CFAP43: variants seen among roughly 807,000 people sequenced by gnomAD.
CFAP43 encodes cilia- and flagella-associated protein 43.
A neutral mutation model predicts 218.9 loss-of-function variants in CFAP43; 155 were observed. The observed-to-expected ratio is 0.71, with a 90% confidence interval of 0.62 to 0.81. The LOEUF is 0.81. Among genes scored for constraint, CFAP43 ranks in the 30% least tolerant of loss-of-function variants. The pLI is 0.00. For synonymous variants in CFAP43, 645 were observed against 681.3 expected (o/e 0.95, Z 0.83); for missense variants, 1,778 against 1,954.3 (o/e 0.91, Z 1.70).
At chr10:104,223,168 C>G (rs1481595684) in intron 3 of CFAP43, among the ~76,000 whole-genome samples, 1 of 152,202 alleles carries the variant, frequency 6.6e-6, no homozygotes, top group Non-Finnish European at 1.5e-5. Context: ...AGAATGAGCA[C>G]CCACTTACTA....
intron 21 of CFAP43, among the ~76,000 whole-genome samples, chr10:104,168,027 C>T (rs1054542536): frequency 6.6e-6 from 1 of 152,146 alleles, no homozygotes; most frequent in East Asian, 1.9e-4. Context: ...GCCCCCAAGA[C>T]ATTTGGCAAC....
chr10:104,138,828 G>A (rs2087569404), intron 34 of CFAP43, among the ~76,000 whole-genome samples: 1 of 152,128 alleles, frequency 6.6e-6, no homozygotes, highest in Non-Finnish European at 1.5e-5. Flanking sequence ...TAGTTCAATA[G>A]TTGTGGCAAA....
intron 12 of CFAP43, among the ~76,000 whole-genome samples, chr10:104,189,718 T>C (rs1428519711): frequency 6.6e-6 from 1 of 152,000 alleles, no homozygotes; most frequent in African/African-American, 2.4e-5. Flanking sequence ...ACATTAAAAA[T>C]GGGGCAGGGA....
At chr10:104,195,836 G>A (rs142964190) in intron 10 of CFAP43, among the ~76,000 whole-genome samples, 261 of 152,240 alleles carry the variant, frequency 1.7e-3, no homozygotes, top group South Asian at 3.3e-3. Flanking sequence ...GCATCCATAC[G>A]CCCTCCTGGA....
At chr10:104,162,274 A>T in intron 25 of CFAP43, 43 bp downstream of exon 25, 1 of 1,560,146 alleles carries the variant, frequency 6.4e-7, no homozygotes, top group Non-Finnish European at 8.8e-7. Context: ...GTATCCCTAA[A>T]GCAAAGAGGG....
chr10:104,189,978 T>C lies in CFAP43; in HGVS notation c.1547-1568A>G, dbSNP rs551750456. ...GTCAGGAGATCGAGACCATCCTGGC[T>C]AACATGGTGAAACCCCGTTTCTACT... On this transcript the variant is annotated intron_variant, in intron 12 of 37. Coordinates refer to ENST00000357060, the MANE Select transcript of CFAP43 (RefSeq NM_025145.7). 1.7e-3 allele frequency among the ~76,000 whole-genome samples: 266 copies of C among 152,128 alleles called. 1 individual carries two copies. Among genetic ancestry groups the C allele is most frequent in the African/African-American group, 6.1e-3 (254 of 41,538 alleles).
rs2134718303 is a variant in CFAP43 at position 104,130,190 on chromosome 10, A to G, written c.4947T>C (p.Thr1649=). The G allele has an allele frequency of 6.2e-7, 1 of 1,609,180 alleles. No homozygotes were observed. The highest frequency in any genetic ancestry group is 8.5e-7 in the Non-Finnish European group (1 of 1,178,678). Residue 1649 remains threonine (T), a synonymous_variant, in exon 38 of 38, where the codon ACT becomes ACC. Coordinates refer to ENST00000357060, the MANE Select transcript of CFAP43 (RefSeq NM_025145.7). ...QQAEQISILQ[T]EVERLRMKTF... ...TTTTCATTCTTAATCTTTCAACTTC[A>G]GTCTGTAGTATTGAAATCTGTTCAG...
chr10:104,150,879 C>T (rs1356639081), intron 28 of CFAP43, among the ~76,000 whole-genome samples: 1 of 152,050 alleles, frequency 6.6e-6, no homozygotes, highest in East Asian at 1.9e-4. Context: ...CTGATCTTCT[C>T]CCTCCTCCCA....
At chr10:104,224,265 G>A (rs1328192649) in intron 3 of CFAP43, among the ~76,000 whole-genome samples, 3 of 151,636 alleles carry the variant, frequency 2.0e-5, no homozygotes, top group South Asian at 2.1e-4. Context: ...GGATGGTCTC[G>A]ATCTCCTGAC....
At chr10:104,177,400 C>A (rs1168335659) in intron 19 of CFAP43, among the ~76,000 whole-genome samples, 1 of 152,102 alleles carries the variant, frequency 6.6e-6, no homozygotes, top group South Asian at 2.1e-4. Flanking sequence ...AGAAGGATGG[C>A]GGTCATTGCC....
chr10:104,143,692 A>T, intron 31 of CFAP43, 53 bp from the exon 32 acceptor site: 1 of 1,553,778 alleles, frequency 6.4e-7, no homozygotes, highest in Non-Finnish European at 8.8e-7. Flanking sequence ...TAAAAACATC[A>T]ATGTGAAACA....
At chr10:104,190,107 G>A (rs1052248244) in intron 12 of CFAP43, among the ~76,000 whole-genome samples, 2 of 134,626 alleles carry the variant, frequency 1.5e-5, no homozygotes, top group Admixed American at 8.8e-5. Context: ...CTGCACTCCA[G>A]CCTGGGCGAC....
rs769076064 is a variant in CFAP43 at position 104,152,601 on chromosome 10, A to C, written c.3660+6T>G. The C allele has an allele frequency of 3.1e-6, 5 of 1,612,856 alleles. No homozygotes were observed. Among genetic ancestry groups the C allele is most frequent in the Non-Finnish European group, 4.2e-6 (5 of 1,179,632 alleles). ...TAAAAGTCACATAAGTAAAGCTTTT[A>C]TTTACCTGGTTGGTAACCATCTCTG... On this transcript the variant is annotated splice_donor_region_variant and intron_variant, in intron 28 of 37. Coordinates refer to ENST00000357060, the MANE Select transcript of CFAP43 (RefSeq NM_025145.7).
At chr10:104,166,942 G>T (rs1234002269) in intron 22 of CFAP43, among the ~76,000 whole-genome samples, 1 of 152,172 alleles carries the variant, frequency 6.6e-6, no homozygotes, top group Non-Finnish European at 1.5e-5. Context: ...AAATTGTCCT[G>T]GATGGTGTGT....
intron 11 of CFAP43, 123 bp downstream of exon 11, chr10:104,193,743 T>C: frequency 7.7e-7 from 1 of 1,296,228 alleles, no homozygotes; most frequent in South Asian, 1.5e-5. Context: ...ACTGTGTGAA[T>C]ATATTAACAT....
At chr10:104,219,872 C>T (rs971837348) in intron 3 of CFAP43, among the ~76,000 whole-genome samples, 1 of 152,162 alleles carries the variant, frequency 6.6e-6, no homozygotes, top group Non-Finnish European at 1.5e-5. Flanking sequence ...CTAGGATGTT[C>T]TTTCTTCTCG....
chr10:104,156,715 C>A (rs2088566063), intron 27 of CFAP43, among the ~76,000 whole-genome samples: 1 of 152,086 alleles, frequency 6.6e-6, no homozygotes, highest in African/African-American at 2.4e-5. Flanking sequence ...AAGCAAAGTT[C>A]CAAAATAATA....
intron 12 of CFAP43, among the ~76,000 whole-genome samples, chr10:104,189,572 C>G (rs2090139162): frequency 6.6e-6 from 1 of 152,144 alleles, no homozygotes; most frequent in Admixed American, 6.5e-5. Context: ...GAGAATGACT[C>G]CCAGTTCTCT....
intron 24 of CFAP43, among the ~76,000 whole-genome samples, chr10:104,163,848 C>T (rs2089008628): frequency 6.6e-6 from 1 of 152,246 alleles, no homozygotes; most frequent in Non-Finnish European, 1.5e-5. Flanking sequence ...TTCTGGGCCT[C>T]CCATGAGGCT....
Sources: gnomAD v4.1 joint callset for allele counts (sites outside exome capture counted in the v4.1 genomes callset) on GRCh38, gnomAD v4.1.1 for gene constraint, MANE v1.5 for transcripts, NCBI Gene and HGNC (gene_info 2026-07-23, HGNC 2026-07-21) for gene names.